The following MAF variants were observed in gnomAD, a reference collection of about 807,000 sequenced individuals.
MAF encodes the protein MAF bZIP transcription factor.
A neutral mutation model predicts 22.0 loss-of-function variants in MAF; 10 were observed. The ratio of observed to expected loss-of-function variants is 0.45; its 90% CI spans 0.28 to 0.77. The LOEUF (loss-of-function observed/expected upper bound fraction) is 0.77. Among genes scored for constraint, MAF ranks in the 30% least tolerant of loss-of-function variants. MAF has a pLI of 0.12. For missense variants in MAF, 544 were observed against 548.4 expected (o/e 0.99, Z 0.08); for synonymous variants, 337 against 255.8 (o/e 1.32, Z -3.03).
At chr16:79,490,087 A>C in the MAF span, among the ~76,000 whole-genome samples, 113,621 of 152,114 alleles carry the variant, frequency 0.75, 43,507 homozygotes, top group Middle Eastern at 0.86. Flanking sequence ...GGCAAGGTAG[A>C]GTGGTCCAGG....
At chr16:79,580,536 G>A in the MAF span, among the ~76,000 whole-genome samples, 1 of 152,188 alleles carries the variant, frequency 6.6e-6, no homozygotes, top group Non-Finnish European at 1.5e-5. Context: ...AGTACCTCGG[G>A]GGAAAGAATG....
downstream of MAF, among the ~76,000 whole-genome samples, chr16:79,592,177 C>T (rs1438740927): frequency 3.3e-5 from 5 of 152,160 alleles, no homozygotes; most frequent in African/African-American, 4.8e-5. Context: ...TTATTTGCTA[C>T]GCCTTCATGC....
At chr16:79,585,974 G>T in intron 1 of MAF, 2 of 665,090 alleles carry the variant, frequency 3.0e-6, no homozygotes, top group South Asian at 1.7e-5. Flanking sequence ...ATAAACAAAG[G>T]GTAATTAATA....
chr16:79,502,718 T>TATAAATATAA, the MAF span, among the ~76,000 whole-genome samples: 2 of 18,162 alleles, frequency 1.1e-4, no homozygotes, highest in African/African-American at 2.2e-4. Flanking sequence ...AATATATATA[T>TATAAATATAA]ATATATATAT....
the MAF span, among the ~76,000 whole-genome samples, chr16:79,446,400 C>T: frequency 6.6e-6 from 1 of 152,150 alleles, no homozygotes; most frequent in African/African-American, 2.4e-5. Context: ...TTGCCTAGGA[C>T]AGCCCCAGGT....
the MAF span, among the ~76,000 whole-genome samples, chr16:79,518,516 A>T: frequency 6.6e-6 from 1 of 152,210 alleles, no homozygotes; most frequent in South Asian, 2.1e-4. Context: ...CAGGCTCTGC[A>T]GTCAGCTGCT....
the MAF span, among the ~76,000 whole-genome samples, chr16:79,546,539 C>T: frequency 6.6e-6 from 1 of 152,150 alleles, no homozygotes. Context: ...TATTCCATTT[C>T]ATATAAGATT....
chr16:79,557,166 A>AG, the MAF span, among the ~76,000 whole-genome samples: 1 of 100,196 alleles, frequency 1.0e-5, no homozygotes, highest in Admixed American at 1.1e-4. Flanking sequence ...CAGCAAGTGT[A>AG]GTTTTTTTTA....
the MAF span, among the ~76,000 whole-genome samples, chr16:79,558,077 A>G: frequency 6.6e-6 from 1 of 152,016 alleles, no homozygotes; most frequent in South Asian, 2.1e-4. Flanking sequence ...GAAACTGATC[A>G]CTGAATTGAG....
the MAF span, among the ~76,000 whole-genome samples, chr16:79,461,151 T>C: frequency 1.3e-5 from 2 of 152,248 alleles, no homozygotes; most frequent in Non-Finnish European, 2.9e-5. Context: ...GTTTTGTTTA[T>C]CTGTGTTGAA....
the MAF span, among the ~76,000 whole-genome samples, chr16:79,326,504 T>A: frequency 5.3e-5 from 8 of 152,230 alleles, no homozygotes; most frequent in African/African-American, 1.9e-4. Flanking sequence ...TTTATACACT[T>A]CAACAGACGT....
the MAF span, among the ~76,000 whole-genome samples, chr16:79,305,571 AG>A: frequency 6.6e-6 from 1 of 152,056 alleles, no homozygotes; most frequent in Non-Finnish European, 1.5e-5. Flanking sequence ...GGTCATGGGG[AG>A]GGGCTGCACT....
the MAF span, among the ~76,000 whole-genome samples, chr16:79,301,693 G>A: frequency 6.6e-6 from 1 of 151,992 alleles, no homozygotes. Context: ...TATATATGTT[G>A]TACGTGTGTA....
At chr16:79,279,382 C>G in the MAF span, among the ~76,000 whole-genome samples, 1 of 152,194 alleles carries the variant, frequency 6.6e-6, no homozygotes, top group Non-Finnish European at 1.5e-5. Flanking sequence ...GGAGGTTTCA[C>G]TTCTATTAAG....
the MAF span, among the ~76,000 whole-genome samples, chr16:79,235,653 T>G: frequency 1.3e-5 from 2 of 152,070 alleles, no homozygotes; most frequent in Non-Finnish European, 2.9e-5. Flanking sequence ...ATGCACACGC[T>G]CTACGGTAAT....
chr16:79,551,742 T>C, the MAF span, among the ~76,000 whole-genome samples: 1 of 152,200 alleles, frequency 6.6e-6, no homozygotes, highest in African/African-American at 2.4e-5. Context: ...AAAGTTCAAA[T>C]TTTAGCGTCC....
chr16:79,431,941 T>C, the MAF span, among the ~76,000 whole-genome samples: 2 of 152,224 alleles, frequency 1.3e-5, no homozygotes, highest in Admixed American at 1.3e-4. Context: ...AGTATAGTAG[T>C]TCCCCCATAT....
At chr16:79,373,161 A>G in the MAF span, among the ~76,000 whole-genome samples, 3 of 151,932 alleles carry the variant, frequency 2.0e-5, no homozygotes, top group African/African-American at 4.8e-5. Flanking sequence ...CCTTGCCTTA[A>G]TAGCACCTAG....
chr16:79,443,544 T>A, the MAF span, among the ~76,000 whole-genome samples: 4 of 152,224 alleles, frequency 2.6e-5, no homozygotes, highest in Non-Finnish European at 5.9e-5. Flanking sequence ...GAGGGTTGAT[T>A]TAGTAATTAA....
Sources: allele counts gnomAD v4.1 joint callset (sites outside exome capture counted in the v4.1 genomes callset), GRCh38; gene constraint gnomAD v4.1.1; transcripts MANE v1.5; gene names NCBI Gene and HGNC (gene_info 2026-07-23, HGNC 2026-07-21).